Variants in SLC8A1 observed in about 807,000 individuals in gnomAD.
SLC8A1 encodes the protein sodium/calcium exchanger 1.
In SLC8A1, 18 loss-of-function variants were observed where a neutral mutation model predicts 68.3. That is an observed-to-expected ratio of 0.26 (90% CI 0.18 to 0.39). SLC8A1 has a LOEUF of 0.39. Ranked by LOEUF, SLC8A1 falls within the 10% of genes least tolerant of loss-of-function variation. SLC8A1 has a pLI of 1.00. For missense variants in SLC8A1, 985 were observed against 1,156.7 expected (o/e 0.85, Z 2.15); for synonymous variants, 475 against 415.5 (o/e 1.14, Z -1.74).
In SLC8A1 at chr2:40,317,558, G is replaced by A. The variant is rs187419681; in HGVS notation, c.1808+110915C>T. Among the ~76,000 whole-genome samples the A allele has an allele frequency of 1.2e-4, 18 of 152,130 alleles. No homozygotes were observed. The East Asian group carries it at 3.5e-3, about 29-fold the overall frequency. ...AAAATGAAAATACTTTTAAAGACAT[G>A]ACTGTATGTCAACAACTAAAGAACA... On this transcript the variant is annotated intron_variant, in intron 2 of 7. Coordinates refer to ENST00000406785, the Ensembl canonical transcript of SLC8A1.
At chr2:40,498,669 T>C (rs1705866084) in intron 1 of SLC8A1, among the ~76,000 whole-genome samples, 1 of 152,050 alleles carries the variant, frequency 6.6e-6, no homozygotes, top group Non-Finnish European at 1.5e-5. Context: ...AGATGAATAG[T>C]GAGTGGGTGA....
intron 2 of SLC8A1, among the ~76,000 whole-genome samples, chr2:40,183,684 A>G (rs186034019): frequency 2.4e-4 from 36 of 152,272 alleles, no homozygotes; most frequent in African/African-American, 7.5e-4. Context: ...AGAGTGGACA[A>G]TGGGTTCTTG....
At chr2:40,252,990 T>C (rs1392729361) in intron 2 of SLC8A1, among the ~76,000 whole-genome samples, 6 of 142,510 alleles carry the variant, frequency 4.2e-5, no homozygotes, top group Non-Finnish European at 7.6e-5. Context: ...TATCTGTATA[T>C]ATGTATATAC....
At chr2:40,133,704 C>T (rs913592587) in intron 7 of SLC8A1, among the ~76,000 whole-genome samples, 8 of 57,150 alleles carry the variant, frequency 1.4e-4, no homozygotes, top group South Asian at 7.7e-4. Flanking sequence ...GCAAAAATCC[C>T]CCCCCCCCAC....
chr2:40,222,204 G>GC (rs1323205548), intron 2 of SLC8A1, among the ~76,000 whole-genome samples: 3 of 151,834 alleles, frequency 2.0e-5, no homozygotes, highest in African/African-American at 7.3e-5. Context: ...CAGAACAGAG[G>GC]CCTCAGAAAT....
intron 2 of SLC8A1, among the ~76,000 whole-genome samples, chr2:40,273,895 G>C (rs2066367903): frequency 7.0e-6 from 1 of 143,306 alleles, no homozygotes; most frequent in African/African-American, 2.6e-5. Flanking sequence ...TTTTAGTTGA[G>C]ATGTGCTGTC....
At chr2:40,109,776 A>T (rs2034452684) in exon 8 of SLC8A1, 1 of 152,164 alleles carries the variant, frequency 6.6e-6, no homozygotes, top group Admixed American at 6.5e-5. Flanking sequence ...CTCTTTGAAA[A>T]AATGCTAGGG....
chr2:40,223,863 G>A (rs757450579), intron 2 of SLC8A1: 1 of 151,994 alleles, frequency 6.6e-6, no homozygotes, highest in Non-Finnish European at 1.5e-5. Context: ...CAGTGTATTA[G>A]AAGTGAGCAT....
intron 6 of SLC8A1, among the ~76,000 whole-genome samples, chr2:40,154,523 T>A (rs2148405508): frequency 6.8e-6 from 1 of 147,050 alleles, no homozygotes; most frequent in East Asian, 2.0e-4. Flanking sequence ...GAGATGGGGT[T>A]TCACCGTGTT....
intron 2 of SLC8A1, among the ~76,000 whole-genome samples, chr2:40,191,641 C>A (rs564421082): frequency 1.3e-5 from 2 of 152,244 alleles, no homozygotes; most frequent in African/African-American, 4.8e-5. Flanking sequence ...AAAATTGAAC[C>A]ACTGGACCAA....
chr2:40,351,605 A>G (rs982851416), intron 2 of SLC8A1, among the ~76,000 whole-genome samples: 1 of 150,886 alleles, frequency 6.6e-6, no homozygotes, highest in African/African-American at 2.4e-5. Context: ...AAAAAGTTGG[A>G]AAACTCATAT....
intron 1 of SLC8A1, among the ~76,000 whole-genome samples, chr2:40,431,680 C>G (rs1180715786): frequency 1.3e-5 from 2 of 152,138 alleles, no homozygotes; most frequent in Middle Eastern, 3.2e-3. Context: ...GGAAGAAGCC[C>G]TGAGTCAGAA....
intron 1 of SLC8A1, among the ~76,000 whole-genome samples, chr2:40,432,401 T>TTTTGTGTGTG (rs1698524357): frequency 7.8e-6 from 1 of 128,736 alleles, no homozygotes; most frequent in African/African-American, 3.0e-5. Context: ...GAGTGTGAGA[T>TTTTGTGTGTG]TGTGTGTGTG....
At chr2:40,310,812 T>C (rs902374700) in intron 2 of SLC8A1, among the ~76,000 whole-genome samples, 5 of 152,120 alleles carry the variant, frequency 3.3e-5, no homozygotes. Flanking sequence ...CAGATGGATC[T>C]GGTCATATGT....
At chr2:40,429,433 G>A (rs1559648997) in exon 2 of SLC8A1, 1 of 1,613,802 alleles carries the variant, frequency 6.2e-7, no homozygotes, top group Non-Finnish European at 8.5e-7. Flanking sequence ...CTTAGAAGAT[G>A]GCCTGTCTCC....
intron 2 of SLC8A1, among the ~76,000 whole-genome samples, chr2:40,367,090 A>AT (rs1344518301): frequency 1.3e-5 from 2 of 151,942 alleles, no homozygotes; most frequent in African/African-American, 4.8e-5. Context: ...TTTCATAAAA[A>AT]CCAAAGAGTC....
intron 4 of SLC8A1, among the ~76,000 whole-genome samples, chr2:40,172,869 G>C (rs2047759980): frequency 6.6e-6 from 1 of 152,144 alleles, no homozygotes. Flanking sequence ...TTGAACCCTG[G>C]AGGTGGAGGT....
In SLC8A1 at chr2:40,108,050, G is replaced by T. The variant is rs566487806; in HGVS notation, c.*7203C>A. On this transcript the variant is annotated 3_prime_UTR_variant, in exon 8 of 8. Transcript: ENST00000406785. ...TTCATTTGGGCCAGACTCAAGCTCA[G>T]TATCCCATCTAATGCATCAAATATT... 5 of 152,202 alleles carry T rather than the reference G, an allele frequency of 3.3e-5. No homozygotes were observed. In the East Asian group the frequency reaches 9.7e-4, roughly 29 times the overall value. 9.4% of individuals were successfully genotyped at this position (152,202 alleles called of 1,614,324 possible).
intron 1 of SLC8A1, among the ~76,000 whole-genome samples, chr2:40,434,648 T>A (rs979958791): frequency 1.3e-5 from 2 of 152,186 alleles, no homozygotes; most frequent in African/African-American, 4.8e-5. Context: ...TGGATTCAGA[T>A]CAACTCGTAC....
Sources: gnomAD v4.1 joint callset for allele counts (sites outside exome capture counted in the v4.1 genomes callset) on GRCh38, gnomAD v4.1.1 for gene constraint, MANE v1.5 for transcripts, NCBI Gene and HGNC (gene_info 2026-07-23, HGNC 2026-07-21) for gene names.